FRMD4A: variants seen among roughly 807,000 people sequenced by gnomAD.
FRMD4A encodes the protein FERM domain containing 4A.
Under a neutral mutation model 129.1 loss-of-function variants are expected in FRMD4A, and 29 were observed. The ratio of observed to expected loss-of-function variants is 0.22; its 90% CI spans 0.17 to 0.31. The LOEUF is 0.31. Among genes scored for constraint, FRMD4A ranks in the 10% least tolerant of loss-of-function variants. The probability of loss-of-function intolerance (pLI) is 1.00; values close to 1 mark genes in which losing one functional copy is unlikely to be tolerated. For synonymous variants in FRMD4A, 634 were observed against 571.6 expected (o/e 1.11, Z -1.56); for missense variants, 1,272 against 1,375.8 (o/e 0.92, Z 1.19).
At chr10:13,751,582 G>A (rs1183273553) in intron 8 of FRMD4A, among the ~76,000 whole-genome samples, 1 of 152,240 alleles carries the variant, frequency 6.6e-6, no homozygotes, top group Non-Finnish European at 1.5e-5. Context: ...CCTAACGAAT[G>A]TTCTAGAAGT....
intron 2 of FRMD4A, among the ~76,000 whole-genome samples, chr10:14,142,151 G>A (rs2131843276): frequency 6.7e-6 from 1 of 148,262 alleles, no homozygotes; most frequent in East Asian, 2.0e-4. Flanking sequence ...AAACAAAAAA[G>A]TTTTTTTTTT....
Position 13,657,522 on chromosome 10 carries a change from C to T in FRMD4A, c.2067G>A (p.Arg689=). ...VRSPHYVHST[R]SVDISPTRLH... ...GTCGGGTGGGGCTGATGTCCACCGA[C>T]CTGCCGGGAGACGACCCGGGTTGGT... Residue 689 remains arginine, a splice_region_variant and synonymous_variant, in exon 22 of 25, where the codon AGG becomes AGA. Coordinates refer to ENST00000357447, the MANE Select transcript of FRMD4A (RefSeq NM_018027.5). The T allele has an allele frequency of 6.3e-7, 1 of 1,577,862 alleles. No individual in the cohort carries two copies. Among genetic ancestry groups the T allele is most frequent in the Non-Finnish European group, 8.6e-7 (1 of 1,164,462 alleles).
At chr10:13,738,866 C>T (rs1438870010) in intron 11 of FRMD4A, among the ~76,000 whole-genome samples, 1 of 152,202 alleles carries the variant, frequency 6.6e-6, no homozygotes, top group Non-Finnish European at 1.5e-5. Context: ...GCTGATCCAC[C>T]CGTCTTGGCC....
At chr10:13,746,404 G>A (rs753368629) in intron 9 of FRMD4A, among the ~76,000 whole-genome samples, 5 of 151,928 alleles carry the variant, frequency 3.3e-5, no homozygotes, top group Non-Finnish European at 7.4e-5. Flanking sequence ...TAGTAGAGAC[G>A]GGGTTTCATC....
chr10:13,890,574 C>G, intron 2 of FRMD4A: 6 of 984,954 alleles, frequency 6.1e-6, no homozygotes, highest in Non-Finnish European at 7.2e-6. Context: ...CACTGACCAG[C>G]TCAGACTTAG....
Position 13,674,911 on chromosome 10 carries a change from A to T in FRMD4A, c.1251T>A (p.Ala417=), listed in dbSNP as rs771482188. 1.2e-6 allele frequency: 2 copies of T among 1,614,122 alleles called. No individual in the cohort carries two copies. Among genetic ancestry groups the T allele is most frequent in the East Asian group, 4.5e-5 (2 of 44,886 alleles). The change falls in exon 16 of 25, where the codon GCT becomes GCA. Residue 417 remains alanine (A), a splice_region_variant and synonymous_variant. Transcript: ENST00000357447. ...EELKKLCLRE[A]ELTGKLPVEY... ...ACGGGATGAGCTAGGAAAGGCTTAC[A>T]GCTTCTCGGAGACACAGCTTCTTCA...
chr10:14,042,817 T>G (rs1833832275), intron 2 of FRMD4A, among the ~76,000 whole-genome samples: 1 of 149,634 alleles, frequency 6.7e-6, no homozygotes, highest in African/African-American at 2.5e-5. Context: ...ACAAAAAAAA[T>G]TAGGTGGGCG....
intron 2 of FRMD4A, among the ~76,000 whole-genome samples, chr10:14,141,385 G>A (rs886301019): frequency 3.9e-5 from 6 of 152,068 alleles, no homozygotes; most frequent in East Asian, 3.9e-4. Flanking sequence ...ACCATCTGCC[G>A]GATGCTATCC....
chr10:13,781,004 G>T (rs568625907), intron 6 of FRMD4A, among the ~76,000 whole-genome samples: 1 of 152,268 alleles, frequency 6.6e-6, no homozygotes, highest in Admixed American at 6.5e-5. Flanking sequence ...ATGTTATTTA[G>T]CCTTAAAAAG....
chr10:14,182,951 G>A lies in FRMD4A; in HGVS notation c.45+147107C>T, dbSNP rs538301034. Among the ~76,000 whole-genome samples, 8 of 152,266 alleles carry A rather than the reference G, an allele frequency of 5.3e-5. No individual in the cohort carries two copies. In the South Asian group the frequency reaches 1.7e-3, roughly 32 times the overall value. ...CAAGGGAAATCCTATTCTTGAAGGTGGCTTTGACCATCTGGAGGAGGTTAG... is the reference window on the plus strand; with the variant it reads ...CAAGGGAAATCCTATTCTTGAAGGTAGCTTTGACCATCTGGAGGAGGTTAG... On this transcript the variant is annotated intron_variant, in intron 2 of 24. Transcript: ENST00000357447.
chr10:14,049,378 C>T (rs1834149504), intron 2 of FRMD4A, among the ~76,000 whole-genome samples: 1 of 152,098 alleles, frequency 6.6e-6, no homozygotes, highest in South Asian at 2.1e-4. Flanking sequence ...AACAGGAAGT[C>T]AGGAGCAATG....
chr10:13,834,178 C>T (rs1306559836), intron 3 of FRMD4A, among the ~76,000 whole-genome samples: 1 of 152,052 alleles, frequency 6.6e-6, no homozygotes, highest in Admixed American at 6.5e-5. Context: ...GCAGGAGAAT[C>T]GCTTGAACTT....
chr10:13,657,158 C>T lies in FRMD4A; in HGVS notation c.2431G>A (p.Gly811Arg). Residue 811 changes from glycine (G) to arginine (R), a missense_variant, in exon 22 of 25, where the codon GGG becomes AGG. By Grantham distance (125) the Gly-to-Arg change is moderately radical. This residue lies in a region of FRMD4A where 972 missense variants were observed against 892.3 expected (regional missense o/e 1.09). Coordinates refer to ENST00000357447, the MANE Select transcript of FRMD4A (RefSeq NM_018027.5). ...CCGCCCCCCGCGCCCCCCGCGCCCC[C>T]CGCACCCCCGCGCGCCGCCAGGTTG... The part of the protein sequence containing the change: ...MPNLAARGGA[G>R]GAGGAGGGVY... 6.7e-7 allele frequency: 1 copy of T among 1,485,206 alleles called. No homozygotes were observed. Among genetic ancestry groups the T allele is most frequent in the Non-Finnish European group, 8.9e-7 (1 of 1,122,590 alleles). The allele number at this position is 1,485,206 out of a possible 1,614,324, so 92.0% of individuals were successfully genotyped here.
At chr10:14,009,067 C>T (rs17154355) in intron 2 of FRMD4A, among the ~76,000 whole-genome samples, 1 of 152,080 alleles carries the variant, frequency 6.6e-6, no homozygotes, top group Non-Finnish European at 1.5e-5. Context: ...TCGTTTTACA[C>T]GGCTGTGTCG....
intron 15 of FRMD4A, among the ~76,000 whole-genome samples, chr10:13,690,106 C>T (rs2085540475): frequency 6.6e-6 from 1 of 152,148 alleles, no homozygotes; most frequent in Non-Finnish European, 1.5e-5. Context: ...TACATATCAC[C>T]TTTTCTGAAT....
chr10:13,926,108 T>C (rs992389729), intron 2 of FRMD4A, among the ~76,000 whole-genome samples: 1 of 152,140 alleles, frequency 6.6e-6, no homozygotes, highest in Non-Finnish European at 1.5e-5. Flanking sequence ...GGGGAATATA[T>C]TCAACCCAGT....
At chr10:14,125,440 C>T (rs1235705465) in intron 2 of FRMD4A, among the ~76,000 whole-genome samples, 2 of 152,124 alleles carry the variant, frequency 1.3e-5, no homozygotes, top group African/African-American at 2.4e-5. Context: ...GACACAGTCA[C>T]CCTGCCAAGC....
At chr10:13,817,410 T>C (rs10906498) in intron 3 of FRMD4A, among the ~76,000 whole-genome samples, 52,624 of 152,114 alleles carry the variant, frequency 0.35, 10,129 homozygotes, top group Non-Finnish European at 0.44. Flanking sequence ...AGGACACGAC[T>C]AACTAGAATG....
intron 12 of FRMD4A, among the ~76,000 whole-genome samples, chr10:13,715,075 G>A (rs2088650683): frequency 1.3e-5 from 2 of 152,026 alleles, no homozygotes; most frequent in East Asian, 1.9e-4. Flanking sequence ...TAGAAGTGCC[G>A]CGCTGCCTCA....
Sources: allele counts gnomAD v4.1 joint callset (sites outside exome capture counted in the v4.1 genomes callset), GRCh38; gene constraint gnomAD v4.1.1; regional missense constraint gnomAD v4.1.1; transcripts MANE v1.5; gene names NCBI Gene and HGNC (gene_info 2026-07-23, HGNC 2026-07-21).